The following DEPDC4 variants were observed in gnomAD, a reference collection of about 807,000 sequenced individuals.
DEPDC4 encodes DEP domain-containing protein 4.
A neutral mutation model predicts 52.0 loss-of-function variants in DEPDC4; 52 were observed. The observed-to-expected ratio is 1.00, with a 90% CI of 0.80 to 1.26. The LOEUF is 1.26. Ranked by LOEUF, DEPDC4 falls within the 50% of genes most tolerant of loss-of-function variation. DEPDC4 has a pLI of 0.00. For synonymous variants in DEPDC4, 201 were observed against 196.8 expected (o/e 1.02, Z -0.18); for missense variants, 530 against 546.9 (o/e 0.97, Z 0.31).
downstream of DEPDC4, among the ~76,000 whole-genome samples, chr12:100,238,360 A>C (rs968881952): frequency 1.3e-5 from 2 of 151,844 alleles, no homozygotes; most frequent in African/African-American, 4.8e-5. Flanking sequence ...GGGTTTCACC[A>C]TGTTGGCCAG....
intron 8 of DEPDC4, among the ~76,000 whole-genome samples, chr12:100,244,695 C>T (rs980892446): frequency 1.3e-5 from 2 of 151,350 alleles, no homozygotes; most frequent in African/African-American, 4.9e-5. Context: ...CTCCTGGGCT[C>T]AAGCAATCCT....
downstream of DEPDC4, among the ~76,000 whole-genome samples, chr12:100,239,380 A>AT (rs896510850): frequency 5.2e-3 from 744 of 142,184 alleles, 2 homozygotes; most frequent in Middle Eastern, 7.9e-3. Flanking sequence ...CTGGCCAATA[A>AT]TTTTTTTTTT....
At chr12:100,256,544 C>A (rs752977964) in intron 3 of DEPDC4, among the ~76,000 whole-genome samples, 169 of 152,096 alleles carry the variant, frequency 1.1e-3, no homozygotes, top group Non-Finnish European at 1.7e-3. Context: ...ACTTATATTA[C>A]ACATCTGAGA....
intron 4 of DEPDC4, among the ~76,000 whole-genome samples, chr12:100,254,616 T>G (rs539630979): frequency 2.2e-4 from 34 of 152,270 alleles, no homozygotes; most frequent in Admixed American, 6.5e-4. Flanking sequence ...TGTGGGCCCC[T>G]GTGCCTGGCC....
chr12:100,264,732 C>A, intron 1 of DEPDC4, among the ~76,000 whole-genome samples: 1 of 152,008 alleles, frequency 6.6e-6, no homozygotes, highest in Admixed American at 6.6e-5. Flanking sequence ...CCCACTTGAG[C>A]TGAATACTTG....
intron 1 of DEPDC4, among the ~76,000 whole-genome samples, chr12:100,264,501 A>G (rs967921329): frequency 4.6e-5 from 7 of 152,146 alleles, no homozygotes; most frequent in Non-Finnish European, 8.8e-5. Context: ...CAACATGACG[A>G]GACTCCACCT....
At chr12:100,266,796 A>C in intron 1 of DEPDC4, 124 bp downstream of exon 1, 3 of 1,308,542 alleles carry the variant, frequency 2.3e-6, no homozygotes, top group East Asian at 2.4e-5. Flanking sequence ...GTAGGGCAGG[A>C]AGGGGGCGGG....
chr12:100,276,378 G>A, the DEPDC4 span, among the ~76,000 whole-genome samples: 2 of 151,844 alleles, frequency 1.3e-5, no homozygotes, highest in African/African-American at 4.8e-5. Flanking sequence ...TGTCACGCAG[G>A]CCAGAGGAGA....
chr12:100,236,684 A>C (rs145616371), downstream of DEPDC4, among the ~76,000 whole-genome samples: 299 of 152,162 alleles, frequency 2.0e-3, 1 homozygote, highest in African/African-American at 6.7e-3. Context: ...GCTTTTGTTT[A>C]ATTAAGTCCC....
chr12:100,265,248 C>T (rs2096267317), intron 1 of DEPDC4, among the ~76,000 whole-genome samples: 1 of 151,834 alleles, frequency 6.6e-6, no homozygotes, highest in Non-Finnish European at 1.5e-5. Flanking sequence ...GAGCTGTGAC[C>T]CTGCCACTGC....
chr12:100,248,734 A>T (rs773604190), intron 8 of DEPDC4, among the ~76,000 whole-genome samples, 166 bp downstream of exon 8: 71 of 152,322 alleles, frequency 4.7e-4, no homozygotes, highest in Middle Eastern at 3.4e-3. Context: ...TTCAAAAAAG[A>T]ACTAGAGAAG....
Position 100,261,566 on chromosome 12 carries a change from C to T in DEPDC4, c.700+698G>A, listed in dbSNP as rs148729853. 4.1e-4 allele frequency among the ~76,000 whole-genome samples: 62 copies of T among 152,236 alleles called. 1 individual carries two copies. In the East Asian group the frequency reaches 9.6e-3, roughly 24 times the overall value. ...GTTTGGGAGGAGTTTACACAATGGA[C>T]AAAGGATACACTCATTAAGAAGATG... On this transcript the variant is annotated intron_variant, in intron 3 of 9. Coordinates refer to ENST00000550587, the MANE Select transcript of DEPDC4 (RefSeq NM_001364818.2).
At chr12:100,259,663 G>C (rs77154997) in intron 3 of DEPDC4, among the ~76,000 whole-genome samples, 6,264 of 152,236 alleles carry the variant, frequency 0.041, 469 homozygotes, top group East Asian at 0.35. Context: ...TAGATACAGG[G>C]AGGGAAAGAG....
the DEPDC4 span, among the ~76,000 whole-genome samples, chr12:100,276,216 A>AT: frequency 2.0e-5 from 3 of 151,910 alleles, no homozygotes; most frequent in South Asian, 2.1e-4. Context: ...ACTTGGTATG[A>AT]TTTTTTTCCT....
At chr12:100,247,000 C>T (rs1347129046) in intron 8 of DEPDC4, among the ~76,000 whole-genome samples, 1 of 151,836 alleles carries the variant, frequency 6.6e-6, no homozygotes, top group African/African-American at 2.4e-5. Context: ...GCATACAACA[C>T]AAAGCATGGA....
upstream of DEPDC4, among the ~76,000 whole-genome samples, chr12:100,272,036 A>G (rs147746247): frequency 4.9e-3 from 743 of 152,302 alleles, 3 homozygotes; most frequent in South Asian, 8.1e-3. Context: ...TAGTATTACA[A>G]CAGATTCACA....
chr12:100,258,723 T>C (rs1318209014), intron 3 of DEPDC4, among the ~76,000 whole-genome samples: 1 of 145,354 alleles, frequency 6.9e-6, no homozygotes, highest in Non-Finnish European at 1.5e-5. Context: ...CACCTAGAAT[T>C]CTGTCAATCA....
intron 3 of DEPDC4, chr12:100,261,666 A>G (rs781567072): frequency 4.4e-6 from 2 of 456,140 alleles, no homozygotes; most frequent in Non-Finnish European, 8.8e-6. Flanking sequence ...TAGCACCTCC[A>G]GTTAATCTGG....
chr12:100,239,586 T>C (rs1020403879), downstream of DEPDC4, among the ~76,000 whole-genome samples: 1 of 152,132 alleles, frequency 6.6e-6, no homozygotes, highest in Non-Finnish European at 1.5e-5. Context: ...GGTCAAACTA[T>C]ATTGCCCAGG....
Sources: allele counts gnomAD v4.1 joint callset (sites outside exome capture counted in the v4.1 genomes callset), GRCh38; gene constraint gnomAD v4.1.1; transcripts MANE v1.5; gene names NCBI Gene and HGNC (gene_info 2026-07-23, HGNC 2026-07-21).